IDE: variants seen among roughly 807,000 people sequenced by gnomAD.
The protein encoded by IDE is insulin degrading enzyme.
Under a neutral mutation model 133.2 loss-of-function variants are expected in IDE, and 58 were observed. That is an observed-to-expected ratio of 0.44 (90% confidence interval 0.35 to 0.54). The LOEUF (loss-of-function observed/expected upper bound fraction) is 0.54. IDE is among the 20% of genes least tolerant of loss of function. IDE has a pLI of 0.00. For missense variants in IDE, 981 were observed against 1,234.0 expected (o/e 0.79, Z 3.07); for synonymous variants, 396 against 421.3 (o/e 0.94, Z 0.73).
intron 11 of IDE, among the ~76,000 whole-genome samples, chr10:92,499,807 A>G (rs1222816561): frequency 1.3e-5 from 2 of 151,958 alleles, no homozygotes; most frequent in Admixed American, 1.3e-4. Flanking sequence ...TTTTGAAGAT[A>G]TTTTTCTATT....
intron 5 of IDE, among the ~76,000 whole-genome samples, chr10:92,512,648 T>TA (rs1413387069): frequency 6.6e-6 from 1 of 151,910 alleles, no homozygotes; most frequent in Non-Finnish European, 1.5e-5. Flanking sequence ...TAAACCCACC[T>TA]ACCTGAAGCA....
intron 4 of IDE, among the ~76,000 whole-genome samples, chr10:92,531,330 C>A (rs1382060670): frequency 6.6e-6 from 1 of 152,150 alleles, no homozygotes; most frequent in East Asian, 1.9e-4. Flanking sequence ...AGTGTCCTAT[C>A]TCCCACAGAG....
chr10:92,503,064 A>G (rs1848107836), intron 11 of IDE, among the ~76,000 whole-genome samples: 1 of 151,306 alleles, frequency 6.6e-6, no homozygotes, highest in African/African-American at 2.4e-5. Context: ...GACCCTTAAT[A>G]TATTTTTTAA....
At chr10:92,536,517 G>GGC (rs1454303964) in intron 2 of IDE, among the ~76,000 whole-genome samples, 1 of 150,840 alleles carries the variant, frequency 6.6e-6, no homozygotes, top group Non-Finnish European at 1.5e-5. Context: ...TGACCAACAT[G>GGC]GAGAAACCCC....
chr10:92,511,326 C>T (rs572744303), intron 5 of IDE, among the ~76,000 whole-genome samples: 2 of 152,154 alleles, frequency 1.3e-5, no homozygotes, highest in East Asian at 1.9e-4. Context: ...TGGTCTCAAA[C>T]TCCTGAGCTC....
At position 92,454,363 on chromosome 10, in the gene IDE, T is replaced by C; in HGVS notation, c.*81A>G. On this transcript the variant is annotated 3_prime_UTR_variant, in exon 25 of 25. Coordinates refer to ENST00000265986, the MANE Select transcript of IDE (RefSeq NM_004969.4). ...TCTCTAATAGTGAATCAGAAACTAT[T>C]AAAGTGGCCAAGATGATTTTCTTAG... 2.1e-6 allele frequency: 2 copies of C among 947,438 alleles called. No homozygotes were observed. The highest frequency in any genetic ancestry group is 3.5e-6 in the Non-Finnish European group (2 of 578,696). 58.7% of individuals were successfully genotyped at this position (947,438 alleles called of 1,614,324 possible).
intron 4 of IDE, among the ~76,000 whole-genome samples, chr10:92,529,069 TG>T (rs1356164116): frequency 1.3e-5 from 2 of 151,852 alleles, no homozygotes; most frequent in Non-Finnish European, 2.9e-5. Flanking sequence ...AGAGCAAGAC[TG>T]TCTCAAAAAA....
intron 7 of IDE, among the ~76,000 whole-genome samples, chr10:92,508,493 C>T (rs990666702): frequency 6.7e-6 from 1 of 149,462 alleles, no homozygotes; most frequent in Non-Finnish European, 1.5e-5. Context: ...ATGGGCGGAT[C>T]GCTTGAGACC....
intron 16 of IDE, among the ~76,000 whole-genome samples, chr10:92,475,352 C>A (rs1052913420): frequency 6.6e-6 from 1 of 152,146 alleles, no homozygotes; most frequent in East Asian, 1.9e-4. Flanking sequence ...AATATGGAAT[C>A]TTTATTTGAA....
At chr10:92,558,599 T>C (rs1843124584) in intron 1 of IDE, among the ~76,000 whole-genome samples, 1 of 152,068 alleles carries the variant, frequency 6.6e-6, no homozygotes, top group Non-Finnish European at 1.5e-5. Context: ...ATTTTTTCAT[T>C]TGTATTTTTT....
chr10:92,513,231 T>C (rs750485177), intron 5 of IDE, among the ~76,000 whole-genome samples: 14 of 152,304 alleles, frequency 9.2e-5, no homozygotes, highest in Non-Finnish European at 1.9e-4. Context: ...CTCACTCTGT[T>C]GCCCAGGCTG....
In IDE at chr10:92,535,263, C is replaced by T. The variant is rs113223444; in HGVS notation, c.284-478G>A. Among the ~76,000 whole-genome samples the T allele has an allele frequency of 5.2e-3, 787 of 152,268 alleles. 8 individuals carry two copies. The highest frequency in any genetic ancestry group is 7.9e-3 in the Non-Finnish European group (537 of 68,026). The stretch of plus-strand genomic sequence containing the variant: ...GGACTACAGGCGCCCACCACCGCGC[C>T]CAGCTAATTCTTTGTATTTTTATTA... On this transcript the variant is annotated intron_variant, in intron 2 of 24. Transcript: ENST00000265986.
At position 92,463,762 on chromosome 10, in the gene IDE, T is replaced by C; in HGVS notation, c.2730A>G (p.Glu910=). The C allele has an allele frequency of 6.2e-7, 1 of 1,613,964 alleles. No individual in the cohort carries two copies. ...CAAAATTATATTGCTGGGAGATGAT[T>C]TCTCCCCAGTATTTAGCACACTCAG... is the stretch of plus-strand genomic sequence containing the variant. The part of the protein sequence containing the change: ...LSAECAKYWG[E]IISQQYNFDR... The change falls in exon 21 of 25, where the codon GAA becomes GAG. Residue 910 remains glutamate (E), a synonymous_variant. Coordinates refer to ENST00000265986, the MANE Select transcript of IDE (RefSeq NM_004969.4).
chr10:92,471,775 T>G (rs1227648496), intron 17 of IDE, among the ~76,000 whole-genome samples: 2 of 152,188 alleles, frequency 1.3e-5, no homozygotes, highest in Non-Finnish European at 2.9e-5. Flanking sequence ...AGTGCAGTGG[T>G]GCAACCTCCG....
intron 15 of IDE, among the ~76,000 whole-genome samples, chr10:92,476,423 C>T (rs1274519316): frequency 6.6e-6 from 1 of 152,124 alleles, no homozygotes; most frequent in Non-Finnish European, 1.5e-5. Context: ...GATCCATCCG[C>T]CTCGGCCTTC....
chr10:92,501,056 A>T (rs1468490562), intron 11 of IDE, among the ~76,000 whole-genome samples: 1 of 140,582 alleles, frequency 7.1e-6, no homozygotes, highest in African/African-American at 2.5e-5. Context: ...AAAAAAAAAG[A>T]AAAAGAAAAA....
chr10:92,454,255 T>G lies in IDE; in HGVS notation c.*189A>C, dbSNP rs1240299452. On this transcript the variant is annotated 3_prime_UTR_variant, in exon 25 of 25. Transcript: ENST00000265986. ...ATTTAAGAGGCATGTATTTAAAAAA[T>G]ATTCTACATCTATAAGATTTTGTAA... 3 of 462,732 alleles carry G rather than the reference T, an allele frequency of 6.5e-6. No homozygotes were observed. The highest frequency in any genetic ancestry group is 1.2e-5 in the Non-Finnish European group (3 of 259,332). 28.7% of individuals were successfully genotyped at this position (462,732 alleles called of 1,614,324 possible). A position where few individuals can be genotyped will look rare whatever the true frequency, so the allele number is the denominator to read the frequency against.
chr10:92,548,359 C>CAAAAAA (rs56347361), intron 1 of IDE, among the ~76,000 whole-genome samples: 14 of 39,716 alleles, frequency 3.5e-4, no homozygotes, highest in Non-Finnish European at 4.1e-4. Flanking sequence ...AACTCCATCT[C>CAAAAAA]AAAAAAAAAA....
At chr10:92,501,672 AAAAAAAG>A (rs1444254440) in intron 11 of IDE, among the ~76,000 whole-genome samples, 8 of 151,038 alleles carry the variant, frequency 5.3e-5, no homozygotes, top group African/African-American at 1.7e-4. Flanking sequence ...CCGTCTAAAA[AAAAAAAG>A]AAAAAAGAAA....
Sources: gnomAD v4.1 joint callset for allele counts (sites outside exome capture counted in the v4.1 genomes callset) on GRCh38, gnomAD v4.1.1 for gene constraint, MANE v1.5 for transcripts, NCBI Gene and HGNC (gene_info 2026-07-23, HGNC 2026-07-21) for gene names.